The following RASEF variants were observed in gnomAD, a reference collection of about 807,000 sequenced individuals.
RASEF encodes RAS and EF-hand domain containing, also known as ras and EF-hand domain-containing protein.
RASEF carries 68 observed loss-of-function variants against 90.1 expected under a neutral mutation model. That is an observed-to-expected ratio of 0.75 (90% confidence interval 0.62 to 0.92). The LOEUF is 0.92. Among genes scored for constraint, RASEF ranks in the 40% least tolerant of loss-of-function variants. RASEF has a pLI of 0.00. For missense variants in RASEF, 949 were observed against 937.2 expected (o/e 1.01, Z -0.16); for synonymous variants, 331 against 345.2 (o/e 0.96, Z 0.46).
the RASEF span, among the ~76,000 whole-genome samples, chr9:83,081,856 A>C: frequency 1.6e-4 from 24 of 152,192 alleles, no homozygotes; most frequent in Admixed American, 3.3e-4. Flanking sequence ...GGGTACAATA[A>C]ACAGTGCAAT....
At chr9:83,102,797 T>G in the RASEF span, among the ~76,000 whole-genome samples, 57 of 152,218 alleles carry the variant, frequency 3.7e-4, no homozygotes, top group African/African-American at 1.3e-3. Context: ...CCTGGGGTGA[T>G]GAGGACAGAC....
At chr9:83,192,587 G>GA in the RASEF span, among the ~76,000 whole-genome samples, 1 of 151,886 alleles carries the variant, frequency 6.6e-6, no homozygotes, top group Non-Finnish European at 1.5e-5. Context: ...GAGGGGAGCA[G>GA]AAAAAATAAC....
At chr9:83,172,230 C>A in the RASEF span, among the ~76,000 whole-genome samples, 1 of 151,640 alleles carries the variant, frequency 6.6e-6, no homozygotes, top group African/African-American at 2.4e-5. Flanking sequence ...ATCTTCTTAT[C>A]AATTTCTAGT....
the RASEF span, among the ~76,000 whole-genome samples, chr9:83,155,867 A>G: frequency 6.6e-6 from 1 of 152,232 alleles, no homozygotes; most frequent in African/African-American, 2.4e-5. Context: ...GTCAACTGCC[A>G]GCATGATTTG....
chr9:83,156,382 G>A, the RASEF span, among the ~76,000 whole-genome samples: 1 of 152,180 alleles, frequency 6.6e-6, no homozygotes, highest in Non-Finnish European at 1.5e-5. Context: ...GGGACACTCT[G>A]TAATTGGAGT....
chr9:83,091,757 A>C, the RASEF span, among the ~76,000 whole-genome samples: 1 of 152,050 alleles, frequency 6.6e-6, no homozygotes. Context: ...GAGTGAGGTA[A>C]AATAATGACT....
the RASEF span, among the ~76,000 whole-genome samples, chr9:83,077,925 G>A: frequency 6.6e-6 from 1 of 152,170 alleles, no homozygotes; most frequent in African/African-American, 2.4e-5. Flanking sequence ...TCCAGAATTT[G>A]TTAAAATCAT....
chr9:83,217,355 T>C, the RASEF span, among the ~76,000 whole-genome samples: 2 of 152,058 alleles, frequency 1.3e-5, no homozygotes, highest in Non-Finnish European at 2.9e-5. Context: ...GAAGGCATGA[T>C]TGGTTTCAGA....
the RASEF span, among the ~76,000 whole-genome samples, chr9:83,170,659 T>C: frequency 6.6e-6 from 1 of 151,878 alleles, no homozygotes; most frequent in Admixed American, 6.6e-5. Context: ...TATTCCTGGG[T>C]AATTTTTGGT....
intron 16 of RASEF, among the ~76,000 whole-genome samples, chr9:82,983,682 T>C (rs1828660854): frequency 6.6e-6 from 1 of 152,198 alleles, no homozygotes. Context: ...CTTTGACCAA[T>C]AGAATATGGA....
At chr9:82,990,101 G>C (rs1368509722) in intron 16 of RASEF, among the ~76,000 whole-genome samples, 1 of 152,098 alleles carries the variant, frequency 6.6e-6, no homozygotes, top group Non-Finnish European at 1.5e-5. Flanking sequence ...TATAAAATCT[G>C]CTTCCTGGAA....
At chr9:83,111,531 G>A in the RASEF span, among the ~76,000 whole-genome samples, 146 of 152,150 alleles carry the variant, frequency 9.6e-4, no homozygotes, top group African/African-American at 3.4e-3. Context: ...ACTGTGAGGC[G>A]ATGAACATGT....
intron 6 of RASEF, among the ~76,000 whole-genome samples, chr9:83,009,281 AC>A (rs1265561389): frequency 1.3e-5 from 2 of 152,102 alleles, no homozygotes; most frequent in Non-Finnish European, 2.9e-5. Context: ...ACTAACACAC[AC>A]GAAAATAGAC....
the RASEF span, among the ~76,000 whole-genome samples, chr9:83,159,588 G>A: frequency 6.6e-6 from 1 of 152,114 alleles, no homozygotes; most frequent in South Asian, 2.1e-4. Context: ...TCAACTTATT[G>A]TAAGACATTT....
chr9:83,049,828 G>C (rs1830010027), intron 1 of RASEF, among the ~76,000 whole-genome samples: 1 of 89,258 alleles, frequency 1.1e-5, no homozygotes, highest in Non-Finnish European at 2.1e-5. Flanking sequence ...TACTGAGAAT[G>C]ATGGTTTCCA....
rs1308700473 is a variant in RASEF at position 83,001,107 on chromosome 9, T to A, written c.1226A>T (p.Asp409Val). Residue 409 changes from aspartate to valine, a missense_variant, in exon 10 of 17, where the codon GAT becomes GTT. Asp to Val is a radical substitution (Grantham distance 152, BLOSUM62 -3). Around this residue, in one of 3 missense-constraint regions of RASEF, gnomAD observed 656 missense variants for 592.2 expected, o/e 1.11. Transcript: ENST00000376447. ...YDRSSRSSYV[D>V]EDCDSLALCD... The stretch of plus-strand genomic sequence containing the variant: ...GAGGGCCAGGGAGTCACAGTCCTCA[T>A]CCACATAGGAAGAGCGGGATGACCT... 6.2e-7 allele frequency: 1 copy of A among 1,613,700 alleles called. No homozygotes were observed. The highest frequency in any genetic ancestry group is 8.5e-7 in the Non-Finnish European group (1 of 1,179,760).
the RASEF span, among the ~76,000 whole-genome samples, chr9:83,070,375 A>T: frequency 1.3e-5 from 2 of 152,086 alleles, no homozygotes; most frequent in Non-Finnish European, 2.9e-5. Flanking sequence ...TATTTTTTTA[A>T]AAACACTATC....
chr9:83,217,076 A>ATT, the RASEF span, among the ~76,000 whole-genome samples: 3 of 151,988 alleles, frequency 2.0e-5, no homozygotes, highest in Non-Finnish European at 4.4e-5. Context: ...AAAGGAGATC[A>ATT]TTTTGGAACT....
chr9:83,033,883 C>A (rs1456704864), intron 1 of RASEF, among the ~76,000 whole-genome samples: 1 of 152,058 alleles, frequency 6.6e-6, no homozygotes, highest in African/African-American at 2.4e-5. Flanking sequence ...TAATGTAATA[C>A]CAGTTAGCCT....
Sources: allele counts gnomAD v4.1 joint callset (sites outside exome capture counted in the v4.1 genomes callset), GRCh38; gene constraint gnomAD v4.1.1; regional missense constraint gnomAD v4.1.1; transcripts MANE v1.5; gene names NCBI Gene and HGNC (gene_info 2026-07-23, HGNC 2026-07-21).